DIS3L2: variants seen among roughly 807,000 people sequenced by gnomAD.
DIS3L2 encodes the protein DIS3 like 3'-5' exoribonuclease 2.
A neutral mutation model predicts 97.5 loss-of-function variants in DIS3L2; 34 were observed. That is an observed-to-expected ratio of 0.35 (90% CI 0.27 to 0.46). DIS3L2 has a LOEUF of 0.46. DIS3L2 is among the 20% of genes least tolerant of loss of function. The pLI is 1.00. For missense variants in DIS3L2, 1,038 were observed against 1,146.0 expected (o/e 0.91, Z 1.36); for synonymous variants, 435 against 445.2 (o/e 0.98, Z 0.29).
intron 9 of DIS3L2, among the ~76,000 whole-genome samples, chr2:232,171,281 T>G (rs1414826309): frequency 5.9e-5 from 9 of 152,316 alleles, no homozygotes; most frequent in African/African-American, 9.6e-5. Flanking sequence ...TGTTAATAGA[T>G]TTCTTAGAGT....
intron 4 of DIS3L2, among the ~76,000 whole-genome samples, chr2:232,025,788 G>A (rs997985110): frequency 1.1e-4 from 16 of 152,124 alleles, no homozygotes. Context: ...TGTTGGAGAC[G>A]GATAAACCAT....
chr2:232,229,706 A>C (rs1692740849), intron 10 of DIS3L2, among the ~76,000 whole-genome samples: 1 of 152,244 alleles, frequency 6.6e-6, no homozygotes, highest in Non-Finnish European at 1.5e-5. Context: ...TACATTGAAC[A>C]TGACAAAAAT....
At chr2:232,024,367 A>T in intron 4 of DIS3L2, 37 bp downstream of exon 4, 1 of 1,512,522 alleles carries the variant, frequency 6.6e-7, no homozygotes. Flanking sequence ...TTTATGTCAC[A>T]TTTAATTTTT....
chr2:232,181,038 CT>C (rs1691248196), intron 9 of DIS3L2, among the ~76,000 whole-genome samples: 1 of 91,148 alleles, frequency 1.1e-5, no homozygotes, highest in Non-Finnish European at 2.2e-5. Flanking sequence ...ATTTGCTTGT[CT>C]ATAAAGTATT....
chr2:231,980,218 GTTAGTCATT>G (rs1693213938), intron 1 of DIS3L2, among the ~76,000 whole-genome samples: 1 of 152,118 alleles, frequency 6.6e-6, no homozygotes, highest in African/African-American at 2.4e-5. Context: ...ATCACATAAT[GTTAGTCATT>G]TTAAAGGAAA....
In DIS3L2 at chr2:232,337,067, CT is replaced by C; in HGVS notation, c.*438del. Reference sequence around the variant, plus strand: ...GACCCAGTTCAGGCTTCACCCCTCGCTGCTGAGCCGATGTCAACACCTGGAA... The same window carrying C: ...GACCCAGTTCAGGCTTCACCCCTCGCGCTGAGCCGATGTCAACACCTGGAA... On this transcript the variant is annotated 3_prime_UTR_variant, in exon 21 of 21. Coordinates refer to ENST00000325385, the MANE Select transcript of DIS3L2 (RefSeq NM_152383.5). 9.6e-7 allele frequency: 1 copy of C among 1,038,032 alleles called. No homozygotes were observed. Among genetic ancestry groups the C allele is most frequent in the Non-Finnish European group, 1.2e-6 (1 of 864,418 alleles). 64.3% of individuals were successfully genotyped at this position (1,038,032 alleles called of 1,614,324 possible).
At chr2:232,329,785 T>TGCCGGGGGCCCCCC in intron 14 of DIS3L2, 28 bp from the exon 15 acceptor site, 1 of 967,144 alleles carries the variant, frequency 1.0e-6, no homozygotes, top group East Asian at 3.1e-5. Context: ...ACCCCAGCGG[T>TGCCGGGGGCCCCCC]CCCTCCCATC....
intron 1 of DIS3L2, among the ~76,000 whole-genome samples, chr2:231,996,615 TG>T (rs1395688208): frequency 6.6e-6 from 1 of 152,246 alleles, no homozygotes; most frequent in Non-Finnish European, 1.5e-5. Flanking sequence ...TAGTATTTTT[TG>T]TACATTTGCC....
chr2:232,058,913 C>T (rs968438711), intron 5 of DIS3L2, among the ~76,000 whole-genome samples: 2 of 152,128 alleles, frequency 1.3e-5, no homozygotes, highest in African/African-American at 4.8e-5. Context: ...ATTCATAAAG[C>T]ATGTTTTTAT....
chr2:232,059,169 CAGA>C (rs1369962485), intron 5 of DIS3L2, among the ~76,000 whole-genome samples: 1 of 152,138 alleles, frequency 6.6e-6, no homozygotes, highest in Non-Finnish European at 1.5e-5. Context: ...GGATAATTTT[CAGA>C]AGAATTCTTG....
chr2:232,145,248 G>A (rs1369430704), intron 8 of DIS3L2, among the ~76,000 whole-genome samples: 1 of 152,134 alleles, frequency 6.6e-6, no homozygotes, highest in Non-Finnish European at 1.5e-5. Context: ...TCCAGTTTGT[G>A]AGTTGTCTTT....
chr2:232,083,526 A>T (rs531731394), intron 5 of DIS3L2, among the ~76,000 whole-genome samples: 20 of 143,794 alleles, frequency 1.4e-4, no homozygotes, highest in Non-Finnish European at 3.0e-5. Context: ...ACAGAGTCTC[A>T]CTCTGTTGCC....
At chr2:232,284,566 T>C in intron 13 of DIS3L2, among the ~76,000 whole-genome samples, 1 of 152,232 alleles carries the variant, frequency 6.6e-6, no homozygotes, top group East Asian at 1.9e-4. Context: ...CTTTTGATCA[T>C]TTATTCCTTC....
intron 5 of DIS3L2, among the ~76,000 whole-genome samples, chr2:232,079,293 A>G (rs559061108): frequency 8.5e-5 from 13 of 152,206 alleles, no homozygotes; most frequent in Non-Finnish European, 1.2e-4. Context: ...TGGTAAGTGC[A>G]AATGAAAATA....
At chr2:232,070,061 A>G (rs1487403192) in intron 5 of DIS3L2, among the ~76,000 whole-genome samples, 9 of 152,214 alleles carry the variant, frequency 5.9e-5, no homozygotes, top group Admixed American at 5.2e-4. Flanking sequence ...AAGAAAAGCA[A>G]CCACCCATGT....
At chr2:232,050,804 T>G (rs1695380337) in intron 5 of DIS3L2, among the ~76,000 whole-genome samples, 1 of 152,234 alleles carries the variant, frequency 6.6e-6, no homozygotes, top group Non-Finnish European at 1.5e-5. Flanking sequence ...CTCGATGAAT[T>G]TGGAGACCAT....
intron 16 of DIS3L2, among the ~76,000 whole-genome samples, chr2:232,333,275 TCCTCTGCCTCCA>T (rs1156719326): frequency 7.3e-6 from 1 of 137,116 alleles, no homozygotes; most frequent in Non-Finnish European, 1.6e-5. Context: ...CTCCTCCTCC[TCCTCTGCCTCCA>T]CCTCTGCCAT....
intron 10 of DIS3L2, among the ~76,000 whole-genome samples, chr2:232,234,564 C>T (rs1692883241): frequency 6.6e-6 from 1 of 152,206 alleles, no homozygotes; most frequent in Non-Finnish European, 1.5e-5. Context: ...GTTGGCCAGG[C>T]TGGTCTTGAA....
At chr2:232,217,787 C>G (rs984421676) in intron 10 of DIS3L2, among the ~76,000 whole-genome samples, 1 of 152,234 alleles carries the variant, frequency 6.6e-6, no homozygotes, top group African/African-American at 2.4e-5. Flanking sequence ...CTCCAGGAAC[C>G]TGCATGTGTT....
Sources: gnomAD v4.1 joint callset for allele counts (sites outside exome capture counted in the v4.1 genomes callset) on GRCh38, gnomAD v4.1.1 for gene constraint, MANE v1.5 for transcripts, NCBI Gene and HGNC (gene_info 2026-07-23, HGNC 2026-07-21) for gene names.